ERC2: variants seen among roughly 807,000 people sequenced by gnomAD.
ERC2 encodes the protein ERC protein 2.
A neutral mutation model predicts 114.8 loss-of-function variants in ERC2; 42 were observed. The ratio of observed to expected loss-of-function variants is 0.37; its 90% CI spans 0.29 to 0.47. The LOEUF (loss-of-function observed/expected upper bound fraction) is 0.47. ERC2 is among the 20% of genes least tolerant of loss of function. The pLI, the probability that ERC2 is intolerant of heterozygous loss-of-function variation, is 0.99. For synonymous variants in ERC2, 454 were observed against 425.5 expected (o/e 1.07, Z -0.82); for missense variants, 939 against 1,150.7 (o/e 0.82, Z 2.66).
chr3:55,936,585 A>C (rs1270750920), intron 13 of ERC2, among the ~76,000 whole-genome samples: 1 of 152,210 alleles, frequency 6.6e-6, no homozygotes, highest in African/African-American at 2.4e-5. Flanking sequence ...AGAAACCTAC[A>C]TGAAATGAAG....
At chr3:55,965,238 T>C (rs2068664900) in intron 12 of ERC2, among the ~76,000 whole-genome samples, 1 of 152,210 alleles carries the variant, frequency 6.6e-6, no homozygotes, top group Non-Finnish European at 1.5e-5. Flanking sequence ...CAATATCCAA[T>C]AGAACTTTCT....
At chr3:55,743,593 C>CAAAAAAAAAAAA (rs367859231) in intron 14 of ERC2, among the ~76,000 whole-genome samples, 14 of 97,172 alleles carry the variant, frequency 1.4e-4, no homozygotes, top group East Asian at 3.0e-4. Flanking sequence ...CCTGATCCAC[C>CAAAAAAAAAAAA]AAAAAAAAAA....
At chr3:56,341,442 CA>C (rs1442886426) in intron 2 of ERC2, among the ~76,000 whole-genome samples, 2 of 152,192 alleles carry the variant, frequency 1.3e-5, no homozygotes, top group East Asian at 3.9e-4. Context: ...AGAGAATCCT[CA>C]AAGGGTCCAG....
chr3:55,569,146 T>C (rs1010540114), intron 17 of ERC2, among the ~76,000 whole-genome samples: 1 of 152,110 alleles, frequency 6.6e-6, no homozygotes, highest in African/African-American at 2.4e-5. Flanking sequence ...TTCAAGGAAA[T>C]AGCACCAAAA....
chr3:55,889,557 G>A (rs2063513010), intron 13 of ERC2, among the ~76,000 whole-genome samples: 2 of 152,052 alleles, frequency 1.3e-5, no homozygotes, highest in Admixed American at 1.3e-4. Context: ...AAAGCTTTGG[G>A]GACTCTTAAA....
intron 4 of ERC2, among the ~76,000 whole-genome samples, chr3:56,163,355 G>A (rs948360567): frequency 5.3e-5 from 8 of 152,030 alleles, no homozygotes; most frequent in Admixed American, 6.6e-5. Context: ...TTGATGAGTG[G>A]AATATTCTGT....
intron 2 of ERC2, among the ~76,000 whole-genome samples, chr3:56,370,012 C>A (rs906841146): frequency 6.6e-6 from 1 of 152,140 alleles, no homozygotes. Flanking sequence ...AGCCTAATCC[C>A]GCTTGCCTCA....
intron 14 of ERC2, among the ~76,000 whole-genome samples, chr3:55,823,823 C>T (rs1401268111): frequency 6.6e-6 from 1 of 152,282 alleles, no homozygotes; most frequent in South Asian, 2.1e-4. Context: ...CAGTACAGCC[C>T]TCAAATTCCC....
chr3:55,817,223 T>G (rs1378815659), intron 14 of ERC2, among the ~76,000 whole-genome samples: 2 of 152,224 alleles, frequency 1.3e-5, no homozygotes, highest in Non-Finnish European at 2.9e-5. Flanking sequence ...CAGGTCACTT[T>G]CCCAAGGTCA....
chr3:56,134,948 GT>G (rs2080420214), intron 6 of ERC2, among the ~76,000 whole-genome samples: 1 of 147,604 alleles, frequency 6.8e-6, no homozygotes, highest in Admixed American at 6.8e-5. Context: ...TTTTGTTTTT[GT>G]TTTTGTTTTT....
chr3:56,396,945 A>G (rs543479285), intron 2 of ERC2, among the ~76,000 whole-genome samples: 1 of 151,930 alleles, frequency 6.6e-6, no homozygotes, highest in South Asian at 2.1e-4. Context: ...CTACTCTCAA[A>G]CTTAACGACT....
chr3:55,987,995 G>C (rs975843284), intron 11 of ERC2, among the ~76,000 whole-genome samples: 1 of 152,096 alleles, frequency 6.6e-6, no homozygotes, highest in Admixed American at 6.6e-5. Flanking sequence ...TTACATGAAA[G>C]GTCACCCAAA....
At chr3:55,878,170 C>A (rs1221533197) in intron 14 of ERC2, among the ~76,000 whole-genome samples, 2 of 152,114 alleles carry the variant, frequency 1.3e-5, no homozygotes, top group Non-Finnish European at 2.9e-5. Flanking sequence ...TATTTAACTG[C>A]TGATTATGAT....
rs115766635 is a variant in ERC2, at chr3:56,006,726, T to C, written c.2061+455A>G. 4.9e-3 allele frequency among the ~76,000 whole-genome samples: 746 copies of C among 152,198 alleles called. 8 individuals are homozygous for C. Among genetic ancestry groups the C allele is most frequent in the African/African-American group, 0.017 (708 of 41,564 alleles). ...TCTACAGAGATGGGACTTGACAATT[T>C]TGGTGAACTTCTAGAAAGTTAACAA... On this transcript the variant is annotated intron_variant, in intron 10 of 17. Transcript: ENST00000288221.
intron 4 of ERC2, among the ~76,000 whole-genome samples, chr3:56,161,900 G>A (rs1299151290): frequency 6.6e-6 from 1 of 151,998 alleles, no homozygotes; most frequent in Non-Finnish European, 1.5e-5. Context: ...AATTGCTCTG[G>A]CTAGCACTTC....
At chr3:55,772,249 T>G (rs2068262967) in intron 14 of ERC2, among the ~76,000 whole-genome samples, 1 of 151,974 alleles carries the variant, frequency 6.6e-6, no homozygotes, top group African/African-American at 2.4e-5. Context: ...TTCAAGCAAT[T>G]CTCCTGTCTC....
At chr3:56,425,574 T>G (rs2107278611) in intron 2 of ERC2, among the ~76,000 whole-genome samples, 1 of 151,222 alleles carries the variant, frequency 6.6e-6, no homozygotes, top group African/African-American at 2.4e-5. Context: ...TTTTTTTTTT[T>G]TTTTTTGGCT....
intron 17 of ERC2, among the ~76,000 whole-genome samples, chr3:55,661,466 C>T (rs2061133805): frequency 6.6e-6 from 1 of 152,172 alleles, no homozygotes; most frequent in South Asian, 2.1e-4. Context: ...CCCCTTGGGA[C>T]CTCTCTGCCT....
intron 13 of ERC2, among the ~76,000 whole-genome samples, chr3:55,893,074 G>A (rs530803693): frequency 4.6e-5 from 7 of 152,236 alleles, no homozygotes; most frequent in African/African-American, 1.4e-4. Context: ...ACGGCAAGAC[G>A]TCAGCAGTTT....
Sources: gnomAD v4.1 joint callset for allele counts (sites outside exome capture counted in the v4.1 genomes callset) on GRCh38, gnomAD v4.1.1 for gene constraint, MANE v1.5 for transcripts, NCBI Gene and HGNC (gene_info 2026-07-23, HGNC 2026-07-21) for gene names.